The following SUGCT variants were observed in gnomAD, a reference collection of about 807,000 sequenced individuals.
SUGCT encodes the protein succinyl-CoA:glutarate CoA-transferase.
In SUGCT, 41 loss-of-function variants were observed where a neutral mutation model predicts 55.0. The ratio of observed to expected loss-of-function variants is 0.74; its 90% confidence interval spans 0.58 to 0.97. SUGCT has a LOEUF of 0.97. Among genes scored for constraint, SUGCT ranks in the 50% least tolerant of loss-of-function variants. The pLI is 0.00. For missense variants in SUGCT, 568 were observed against 547.8 expected, an observed-to-expected ratio of 1.04 and a Z score of -0.37; for synonymous variants, 187 against 200.4, an observed-to-expected ratio of 0.93 and a Z score of 0.56.
intron 6 of SUGCT, among the ~76,000 whole-genome samples, chr7:40,197,406 C>T (rs1317304173): frequency 6.6e-6 from 1 of 152,124 alleles, no homozygotes; most frequent in Non-Finnish European, 1.5e-5. Flanking sequence ...GCTGCATAGC[C>T]AACAAATGCA....
intron 12 of SUGCT, among the ~76,000 whole-genome samples, chr7:40,685,323 A>G (rs1412205914): frequency 6.6e-6 from 1 of 152,184 alleles, no homozygotes; most frequent in African/African-American, 2.4e-5. Context: ...CTACCTAAAG[A>G]TATTCCTCTT....
chr7:40,779,239 T>C (rs1446398500), intron 13 of SUGCT, among the ~76,000 whole-genome samples: 2 of 152,224 alleles, frequency 1.3e-5, no homozygotes, highest in East Asian at 1.9e-4. Context: ...CTAAGAATGC[T>C]TGGGACTTAT....
rs1191731180 is a variant in SUGCT at position 40,189,525 on chromosome 7, T to A, written c.313-19T>A. On this transcript the variant is annotated intron_variant, in intron 4 of 13. Coordinates refer to ENST00000335693, the MANE Select transcript of SUGCT (RefSeq NM_001193313.2). ...TGGTCATCGAAATAATATATATATA[T>A]ATATTTTTTAATTTTTAGAGTATTG... is the stretch of plus-strand genomic sequence containing the variant. 4.3e-6 allele frequency: 4 copies of A among 936,374 alleles called. No individual in the cohort carries two copies. Among genetic ancestry groups the A allele is most frequent in the Non-Finnish European group, 5.7e-6 (4 of 698,060 alleles). 58.0% of individuals were successfully genotyped at this position (936,374 alleles called of 1,614,324 possible).
intron 13 of SUGCT, among the ~76,000 whole-genome samples, chr7:40,757,869 A>G (rs1376526583): frequency 2.6e-5 from 4 of 152,210 alleles, no homozygotes; most frequent in African/African-American, 9.6e-5. Context: ...TATTAGCTGC[A>G]GCCAACCTTC....
At chr7:40,188,325 T>G (rs917873557) in intron 3 of SUGCT, among the ~76,000 whole-genome samples, 170 bp from the exon 4 acceptor site, 4 of 150,294 alleles carry the variant, frequency 2.7e-5, no homozygotes, top group Non-Finnish European at 5.9e-5. Flanking sequence ...TCCCAGCTAC[T>G]CAGGTGGCTG....
chr7:40,923,505 T>C, the SUGCT span, among the ~76,000 whole-genome samples: 33 of 152,290 alleles, frequency 2.2e-4, no homozygotes, highest in African/African-American at 7.5e-4. Flanking sequence ...ACGTTGAAAT[T>C]GAAACATGTT....
At chr7:40,923,971 T>G in the SUGCT span, among the ~76,000 whole-genome samples, 6 of 152,166 alleles carry the variant, frequency 3.9e-5, no homozygotes. Flanking sequence ...GATTTGATCA[T>G]GAGGGCAGAG....
At chr7:40,800,492 G>A (rs919088389) in intron 13 of SUGCT, among the ~76,000 whole-genome samples, 41 of 151,722 alleles carry the variant, frequency 2.7e-4, no homozygotes, top group Admixed American at 2.6e-4. Context: ...GGGTTTTACC[G>A]TGTTGGCCAG....
At chr7:40,577,053 G>A (rs946795758) in intron 12 of SUGCT, among the ~76,000 whole-genome samples, 2 of 152,200 alleles carry the variant, frequency 1.3e-5, no homozygotes, top group Non-Finnish European at 2.9e-5. Context: ...GATCTCTTAG[G>A]TGGAGCCCAG....
the SUGCT span, among the ~76,000 whole-genome samples, chr7:41,028,860 A>G: frequency 6.6e-6 from 1 of 152,180 alleles, no homozygotes; most frequent in African/African-American, 2.4e-5. Flanking sequence ...GAGTCTTCAC[A>G]TCTGCAAAAC....
chr7:40,213,078 T>C (rs1787433942), intron 6 of SUGCT, among the ~76,000 whole-genome samples: 2 of 152,210 alleles, frequency 1.3e-5, no homozygotes, highest in South Asian at 2.1e-4. Context: ...TTATTAATTA[T>C]ACTATACAAG....
intron 13 of SUGCT, among the ~76,000 whole-genome samples, chr7:40,779,001 G>A (rs773363008): frequency 1.3e-5 from 2 of 152,142 alleles, no homozygotes; most frequent in Non-Finnish European, 2.9e-5. Context: ...GAGGATGCAG[G>A]TAGTGTTCTG....
the SUGCT span, among the ~76,000 whole-genome samples, chr7:40,959,714 G>GAAA: frequency 6.9e-6 from 1 of 145,168 alleles, no homozygotes. Context: ...ACTGGGGTAG[G>GAAA]AAAAAAAAAA....
chr7:40,535,957 T>G (rs1218780279), intron 12 of SUGCT, among the ~76,000 whole-genome samples: 1 of 152,220 alleles, frequency 6.6e-6, no homozygotes, highest in African/African-American at 2.4e-5. Context: ...TGTTGGCCGC[T>G]TATATGTCTT....
chr7:40,240,039 A>T (rs1031361877), intron 7 of SUGCT, among the ~76,000 whole-genome samples: 18 of 152,218 alleles, frequency 1.2e-4, no homozygotes, highest in Admixed American at 6.5e-4. Context: ...ATTAGCAGAA[A>T]ATATTTATTA....
At chr7:40,990,116 C>T in the SUGCT span, among the ~76,000 whole-genome samples, 1 of 152,194 alleles carries the variant, frequency 6.6e-6, no homozygotes, top group African/African-American at 2.4e-5. Context: ...ATGGCAGCTG[C>T]AGTCTTACAA....
chr7:40,507,470 A>C (rs1383605410), intron 12 of SUGCT, among the ~76,000 whole-genome samples: 1 of 152,168 alleles, frequency 6.6e-6, no homozygotes, highest in Non-Finnish European at 1.5e-5. Flanking sequence ...AGAGACTGCT[A>C]TCACAGTTAA....
At chr7:40,805,322 C>CATA (rs1791034621) in intron 13 of SUGCT, among the ~76,000 whole-genome samples, 1 of 152,120 alleles carries the variant, frequency 6.6e-6, no homozygotes, top group Non-Finnish European at 1.5e-5. Flanking sequence ...GAGCCTTATG[C>CATA]ATACCACCCC....
intron 8 of SUGCT, among the ~76,000 whole-genome samples, chr7:40,307,421 A>C (rs1435580139): frequency 6.6e-6 from 1 of 152,150 alleles, no homozygotes; most frequent in Non-Finnish European, 1.5e-5. Context: ...GCCACTCAGA[A>C]AGTTTGAGAG....
Sources: gnomAD v4.1 joint callset for allele counts (sites outside exome capture counted in the v4.1 genomes callset) on GRCh38, gnomAD v4.1.1 for gene constraint, MANE v1.5 for transcripts, NCBI Gene and HGNC (gene_info 2026-07-23, HGNC 2026-07-21) for gene names.